The following NEXMIF variants were observed in gnomAD, a reference collection of about 807,000 sequenced individuals.
NEXMIF encodes neurite extension and migration factor, also known as XLMR protein related to neurite extension.
In NEXMIF, 8 loss-of-function variants were observed where a neutral mutation model predicts 62.1. The observed-to-expected ratio is 0.13, with a 90% CI of 0.08 to 0.23. NEXMIF has a LOEUF of 0.23. Among genes scored for constraint, NEXMIF ranks in the 10% least tolerant of loss-of-function variants. The pLI is 1.00. For missense variants in NEXMIF, 976 were observed against 1,113.3 expected (o/e 0.88, Z 1.75); for synonymous variants, 404 against 416.6 (o/e 0.97, Z 0.37).
chrX:74,909,583 T>C (rs980403152), intron 1 of NEXMIF, among the ~76,000 whole-genome samples: 1 of 111,871 alleles, frequency 8.9e-6, no homozygotes, highest in Non-Finnish European at 1.9e-5. Context: ...AACCCACTTT[T>C]TGAAGAGAAA....
At chrX:74,866,565 G>T (rs1451716182) in intron 1 of NEXMIF, among the ~76,000 whole-genome samples, 1 of 112,185 alleles carries the variant, frequency 8.9e-6, no homozygotes, top group East Asian at 2.8e-4. Flanking sequence ...AGGGGCCAAG[G>T]GTGGAATGAT....
intron 1 of NEXMIF, among the ~76,000 whole-genome samples, chrX:74,897,559 G>A (rs2080736577): frequency 9.0e-6 from 1 of 111,044 alleles, no homozygotes; most frequent in East Asian, 2.8e-4. Context: ...AGTGAAAGGA[G>A]GTATTTCAGG....
chrX:74,895,651 T>C (rs1463613328), intron 1 of NEXMIF, among the ~76,000 whole-genome samples: 1 of 110,747 alleles, frequency 9.0e-6, no homozygotes, highest in East Asian at 2.8e-4. Flanking sequence ...CAGAAACAAT[T>C]CCACACACCT....
At chrX:74,870,730 C>T (rs1479809281) in intron 1 of NEXMIF, among the ~76,000 whole-genome samples, 2 of 111,882 alleles carry the variant, frequency 1.8e-5, no homozygotes, top group Non-Finnish European at 1.9e-5. Context: ...CATCATCAAT[C>T]ATCAGAGAAA....
chrX:74,739,286 C>T lies in NEXMIF; in HGVS notation c.*119G>A, dbSNP rs909459037. 1.5e-5 allele frequency: 7 copies of T among 463,977 alleles called. No homozygotes were observed. The Admixed American group carries it at 1.8e-4, about 12-fold the overall frequency. 38.2% of individuals were successfully genotyped at this position (463,977 alleles called of 1,213,427 possible). On this transcript the variant is annotated 3_prime_UTR_variant, in exon 4 of 4. Coordinates refer to ENST00000055682, the MANE Select transcript of NEXMIF (RefSeq NM_001008537.3). ...GACTTTTTAAGTCTTTTACATAGAA[C>T]ATGAGATTAAAGTTTGCTCCAAAGA...
At chrX:74,847,670 C>T (rs1483847939) in intron 1 of NEXMIF, among the ~76,000 whole-genome samples, 2 of 111,766 alleles carry the variant, frequency 1.8e-5, no homozygotes, top group Admixed American at 9.5e-5. Context: ...TCGCAGCCCA[C>T]ATATGTTGTC....
Position 74,742,998 on chromosome X carries a change from T to C in NEXMIF, c.1559A>G (p.Asp520Gly). The change falls in exon 3 of 4, where the codon GAT (aspartate) becomes GGT (glycine). Residue 520 changes from aspartate (D) to glycine (G), a missense_variant. Around this residue, in one of 5 missense-constraint regions of NEXMIF, gnomAD observed 639 missense variants for 694.5 expected, o/e 0.92. Transcript: ENST00000055682. ...WLPVGSKEED[D>G]DEWCPKKRRK... ...TCTCTTTTTGGGACACCATTCATCA[T>C]CATCTTCCTCTTTGGAACCAACTGG... The C allele has an allele frequency of 8.3e-7, 1 of 1,211,698 alleles. No homozygotes were observed. The highest frequency in any genetic ancestry group is 1.8e-5 in the South Asian group (1 of 56,944).
chrX:74,816,757 A>G (rs2080377404), intron 1 of NEXMIF, among the ~76,000 whole-genome samples: 1 of 112,003 alleles, frequency 8.9e-6, no homozygotes, highest in Non-Finnish European at 1.9e-5. Flanking sequence ...CTTTTGTATG[A>G]AGGGATGACA....
chrX:74,775,940 AT>A (rs928280969), intron 1 of NEXMIF, among the ~76,000 whole-genome samples: 1 of 111,886 alleles, frequency 8.9e-6, no homozygotes, highest in African/African-American at 3.3e-5. Flanking sequence ...TTTATTTGGT[AT>A]TTTCTGTATG....
At chrX:74,903,325 TACACACACACACACACAC>T (rs397897060) in intron 1 of NEXMIF, among the ~76,000 whole-genome samples, 27 of 51,251 alleles carry the variant, frequency 5.3e-4, no homozygotes, top group African/African-American at 1.5e-3. Flanking sequence ...TTCTCAGGCA[TACACACACACACACACAC>T]ACACACACAC....
Position 74,742,042 on chromosome X carries a change from C to G in NEXMIF, c.2515G>C (p.Glu839Gln). The G allele has an allele frequency of 8.3e-7, 1 of 1,211,859 alleles. No individual in the cohort carries two copies. Among genetic ancestry groups the G allele is most frequent in the East Asian group, 3.0e-5 (1 of 33,831 alleles). Residue 839 changes from glutamate (E) to glutamine (Q), a missense_variant, in exon 3 of 4, where the codon GAG (glutamate) becomes CAG (glutamine). Glu to Gln is a conservative substitution (Grantham distance 29, BLOSUM62 2). Coordinates refer to ENST00000055682, the MANE Select transcript of NEXMIF (RefSeq NM_001008537.3). ...SISYFSHHSP[E>Q]QNEGSLTQTE... Reference sequence around the variant, plus strand: ...TGAGTGAGGCTGCCTTCATTTTGCTCTGGAGAATGGTGGCTGAAGTATGAG... The same window carrying G: ...TGAGTGAGGCTGCCTTCATTTTGCTGTGGAGAATGGTGGCTGAAGTATGAG...
intron 1 of NEXMIF, among the ~76,000 whole-genome samples, chrX:74,877,610 C>G (rs898732234): frequency 9.0e-6 from 1 of 111,421 alleles, no homozygotes; most frequent in African/African-American, 3.3e-5. Context: ...CCATTCTCCC[C>G]GTCACTTTCA....
intron 1 of NEXMIF, among the ~76,000 whole-genome samples, chrX:74,827,161 G>T (rs2080421185): frequency 8.9e-6 from 1 of 112,480 alleles, no homozygotes; most frequent in Admixed American, 9.4e-5. Flanking sequence ...TGACCCCCAA[G>T]CCTGTCAGCA....
intron 1 of NEXMIF, among the ~76,000 whole-genome samples, chrX:74,863,458 A>T (rs1186707524): frequency 1.8e-5 from 2 of 111,963 alleles, no homozygotes; most frequent in Non-Finnish European, 3.8e-5. Context: ...CTCCACAGAA[A>T]TACAAAAAAC....
chrX:74,787,974 C>T (rs1357457858), intron 1 of NEXMIF, among the ~76,000 whole-genome samples: 1 of 111,791 alleles, frequency 8.9e-6, no homozygotes, highest in East Asian at 2.8e-4. Context: ...TCCCCTGGTA[C>T]ATACCAAAGG....
intron 1 of NEXMIF, among the ~76,000 whole-genome samples, chrX:74,884,786 C>T (rs1277151491): frequency 9.0e-6 from 1 of 111,420 alleles, no homozygotes; most frequent in African/African-American, 3.3e-5. Flanking sequence ...CAGCTCTGCA[C>T]CAAGCGGGCC....
chrX:74,822,138 T>A (rs762814627), intron 1 of NEXMIF, among the ~76,000 whole-genome samples: 1 of 110,820 alleles, frequency 9.0e-6, no homozygotes, highest in East Asian at 2.8e-4. Context: ...AATATCCACA[T>A]GCAAAAGAAT....
At chrX:74,814,675 T>A (rs1468734483) in intron 1 of NEXMIF, among the ~76,000 whole-genome samples, 4 of 112,184 alleles carry the variant, frequency 3.6e-5, no homozygotes, top group African/African-American at 9.7e-5. Context: ...TGGCCAAAAA[T>A]ATACAACTAA....
intron 1 of NEXMIF, among the ~76,000 whole-genome samples, chrX:74,862,112 C>T (rs933711696): frequency 9.0e-6 from 1 of 111,377 alleles, no homozygotes; most frequent in Non-Finnish European, 1.9e-5. Flanking sequence ...CGTGCAAAGA[C>T]ACACATAGGC....
Sources: gnomAD v4.1 joint callset for allele counts (sites outside exome capture counted in the v4.1 genomes callset) on GRCh38, gnomAD v4.1.1 for gene constraint, gnomAD v4.1.1 regional missense constraint, MANE v1.5 for transcripts, NCBI Gene and HGNC (gene_info 2026-07-23, HGNC 2026-07-21) for gene names.